Variants in SLC9A2 observed in about 807,000 individuals in gnomAD.
The protein encoded by SLC9A2 is sodium/hydrogen exchanger 2.
SLC9A2 carries 42 observed loss-of-function variants against 71.7 expected under a neutral mutation model. The ratio of observed to expected loss-of-function variants is 0.59; its 90% CI spans 0.46 to 0.76. The LOEUF (loss-of-function observed/expected upper bound fraction) is 0.76. Among genes scored for constraint, SLC9A2 ranks in the 30% least tolerant of loss-of-function variants. The probability of loss-of-function intolerance (pLI) is 0.00; values close to 1 mark genes in which losing one functional copy is unlikely to be tolerated. For synonymous variants in SLC9A2, 396 were observed against 392.5 expected, an observed-to-expected ratio of 1.01 and a Z score of -0.10; for missense variants, 829 against 1,017.4, an observed-to-expected ratio of 0.81 and a Z score of 2.52.
chr2:102,701,209 G>C lies in SLC9A2; in HGVS notation c.1726G>C (p.Val576Leu). 16 of 1,603,950 alleles carry C rather than the reference G, an allele frequency of 1.0e-5. No homozygotes were observed. The highest frequency in any genetic ancestry group is 1.4e-5 in the Non-Finnish European group (16 of 1,177,266). The change falls in exon 8 of 12, where the codon GTC (valine) becomes CTC (leucine). Residue 576 changes from valine to leucine, a missense_variant. Around this residue, in one of 3 missense-constraint regions of SLC9A2, gnomAD observed 500 missense variants for 726.3 expected, o/e 0.69. Coordinates refer to ENST00000233969, the MANE Select transcript of SLC9A2 (RefSeq NM_003048.6). ...EMAETGMIST[V>L]PTFASLNDCR... is the part of the protein sequence containing the mutation. ...GGCAGAGACTGGGATGATAAGTACT[G>C]TCCCTACATTTGCATCTCTAAAGTA...
At chr2:102,636,669 C>A (rs7567133) in intron 1 of SLC9A2, among the ~76,000 whole-genome samples, 17,145 of 152,120 alleles carry the variant, frequency 0.11, 1,304 homozygotes, top group Non-Finnish European at 0.16. Context: ...GTTGAGAGAA[C>A]GATAAATCCT....
intron 6 of SLC9A2, 117 bp from the exon 7 acceptor site, chr2:102,694,926 A>G: frequency 7.4e-6 from 6 of 809,166 alleles, no homozygotes; most frequent in Admixed American, 2.4e-5. Flanking sequence ...AATAAATAAT[A>G]AACAAATAAG....
intron 7 of SLC9A2, 43 bp from the exon 8 acceptor site, chr2:102,701,027 A>G (rs763115443): frequency 2.9e-5 from 40 of 1,357,102 alleles, no homozygotes; most frequent in Non-Finnish European, 4.1e-6. Flanking sequence ...CTATTTTCTT[A>G]GTCAATCCAG....
At chr2:102,655,235 C>T (rs1676914862) in intron 1 of SLC9A2, among the ~76,000 whole-genome samples, 1 of 129,574 alleles carries the variant, frequency 7.7e-6, no homozygotes. Context: ...TTGAGTTCAA[C>T]TTCCATCTCC....
intron 1 of SLC9A2, 126 bp from the exon 2 acceptor site, chr2:102,657,438 A>G (rs1415684697): frequency 1.6e-6 from 1 of 637,432 alleles, no homozygotes; most frequent in African/African-American, 1.8e-5. Context: ...AGCCATTGTA[A>G]AGACAGTGAT....
In SLC9A2 at chr2:102,632,071, T is replaced by TATATGTATATATAC. The variant is rs70946697; in HGVS notation, c.289+11938_289+11939insGTATATATACATAT. 2.4e-3 allele frequency among the ~76,000 whole-genome samples: 290 copies of TATATGTATATATAC among 118,504 alleles called. 12 individuals carry two copies. Among genetic ancestry groups the TATATGTATATATAC allele is most frequent in the African/African-American group, 4.7e-3 (155 of 32,746 alleles). 77.7% of individuals were successfully genotyped at this position (118,504 alleles called of 152,430 possible). A position where few individuals can be genotyped will look rare whatever the true frequency, so the allele number is the denominator to read the frequency against. ...ACACACATATATATACACACACATA[T>TATATGTATATATAC]ATATACACACATATATATACACATA... is the stretch of plus-strand genomic sequence containing the variant. On this transcript the variant is annotated intron_variant, in intron 1 of 11. Coordinates refer to ENST00000233969, the MANE Select transcript of SLC9A2 (RefSeq NM_003048.6).
Position 102,657,756 on chromosome 2 carries a change from C to T in SLC9A2, c.482C>T (p.Pro161Leu), listed in dbSNP as rs1487202486. The T allele has an allele frequency of 1.2e-6, 2 of 1,614,122 alleles. No homozygotes were observed. Among genetic ancestry groups the T allele is most frequent in the African/African-American group, 2.7e-5 (2 of 74,938 alleles). Residue 161 changes from proline to leucine, a missense_variant, in exon 2 of 12, where the codon CCA becomes CTA. Pro to Leu is a moderately conservative substitution (Grantham distance 98, BLOSUM62 -3). This residue lies in a region of SLC9A2 where 500 missense variants were observed against 726.3 expected (regional missense o/e 0.69). Transcript: ENST00000233969. ...GCCGGCTATTTCATGCCCACTCGCC[C>T]ATTCTTTGAGAACATTGGCACGATT... ...LDAGYFMPTR[P>L]FFENIGTIFW...
chr2:102,631,481 CT>C (rs1676355696), intron 1 of SLC9A2, among the ~76,000 whole-genome samples: 1 of 152,010 alleles, frequency 6.6e-6, no homozygotes, highest in East Asian at 1.9e-4. Context: ...TTCACTGTGA[CT>C]TCAAATCCTA....
intron 3 of SLC9A2, among the ~76,000 whole-genome samples, chr2:102,667,084 C>T (rs1342420273): frequency 1.3e-5 from 2 of 152,214 alleles, no homozygotes; most frequent in Non-Finnish European, 2.9e-5. Context: ...GGGGTCATGA[C>T]AGCCCTGAGT....
At chr2:102,667,853 C>T (rs1330825936) in intron 3 of SLC9A2, among the ~76,000 whole-genome samples, 3 of 151,772 alleles carry the variant, frequency 2.0e-5, no homozygotes, top group Non-Finnish European at 4.4e-5. Flanking sequence ...GTGGATCAAT[C>T]GAGGTCAGGA....
At chr2:102,654,400 C>T (rs941482794) in intron 1 of SLC9A2, among the ~76,000 whole-genome samples, 25 of 152,048 alleles carry the variant, frequency 1.6e-4, no homozygotes, top group African/African-American at 6.0e-4. Context: ...CCATTGAATA[C>T]ATTTAGTCCC....
At chr2:102,659,193 T>C (rs1327226939) in intron 2 of SLC9A2, among the ~76,000 whole-genome samples, 3 of 151,198 alleles carry the variant, frequency 2.0e-5, no homozygotes, top group African/African-American at 7.3e-5. Flanking sequence ...TTTGGGAGGC[T>C]GAGGCAGGTG....
chr2:102,679,760 T>C (rs1259752309), intron 3 of SLC9A2, among the ~76,000 whole-genome samples: 1 of 152,250 alleles, frequency 6.6e-6, no homozygotes, highest in Admixed American at 6.5e-5. Flanking sequence ...TTTGCCTGTA[T>C]GGTTTACTTT....
Position 102,708,153 on chromosome 2 carries a change from G to A in SLC9A2, c.2103G>A (p.Gly701=). ...GNSSDSDADA[G]TTVLNLQPRA... ...GCAGCGACTCAGACGCAGATGCCGGGACCACCGTGCTCAATTTGCAGCCCA... is the reference window on the plus strand; with the variant it reads ...GCAGCGACTCAGACGCAGATGCCGGAACCACCGTGCTCAATTTGCAGCCCA... The change falls in exon 12 of 12, where the codon GGG becomes GGA. Residue 701 remains glycine, a synonymous_variant. Coordinates refer to ENST00000233969, the MANE Select transcript of SLC9A2 (RefSeq NM_003048.6). 2 of 1,613,890 alleles carry A rather than the reference G, an allele frequency of 1.2e-6. No homozygotes were observed. Among genetic ancestry groups the A allele is most frequent in the Non-Finnish European group, 1.7e-6 (2 of 1,179,950 alleles).
At position 102,708,120 on chromosome 2, in the gene SLC9A2, T is replaced by G; in HGVS notation, c.2070T>G (p.Asp690Glu). 2 of 1,609,262 alleles carry G rather than the reference T, an allele frequency of 1.2e-6. No individual in the cohort carries two copies. Among genetic ancestry groups the G allele is most frequent in the Non-Finnish European group, 1.7e-6 (2 of 1,177,788 alleles). The change falls in exon 12 of 12, where the codon GAT (aspartate) becomes GAG (glutamate). Residue 690 changes from aspartate (D) to glutamate (E), a missense_variant and splice_region_variant. Asp to Glu is a conservative substitution (Grantham distance 45). Transcript: ENST00000233969. ...LQKRRTISIA[D>E]GNSSDSDADA... Reference sequence around the variant, plus strand: ...ACCTTGTCTTTTGCTCCGTGATAGATGGCAATAGCAGCGACTCAGACGCAG... The same window carrying G: ...ACCTTGTCTTTTGCTCCGTGATAGAGGGCAATAGCAGCGACTCAGACGCAG...
chr2:102,672,529 G>T (rs1235535580), intron 3 of SLC9A2, among the ~76,000 whole-genome samples: 1 of 152,166 alleles, frequency 6.6e-6, no homozygotes, highest in Non-Finnish European at 1.5e-5. Context: ...TCTTTATAAA[G>T]ACCATTTCTT....
intron 1 of SLC9A2, among the ~76,000 whole-genome samples, chr2:102,637,052 T>A (rs868377208): frequency 6.6e-6 from 1 of 152,178 alleles, no homozygotes; most frequent in South Asian, 2.1e-4. Flanking sequence ...CTTAGAGCCT[T>A]GAGGAGATGA....
chr2:102,694,222 C>G (rs1007976491), intron 5 of SLC9A2, among the ~76,000 whole-genome samples, 192 bp from the exon 6 acceptor site: 3 of 152,020 alleles, frequency 2.0e-5, no homozygotes, highest in Non-Finnish European at 4.4e-5. Context: ...GAAAAATTAA[C>G]AAAAAGTTAC....
chr2:102,627,438 G>A (rs1226398657), intron 1 of SLC9A2, among the ~76,000 whole-genome samples: 1 of 152,072 alleles, frequency 6.6e-6, no homozygotes, highest in African/African-American at 2.4e-5. Context: ...TGGCTTTAAT[G>A]TTTATAGTTT....
Sources: gnomAD v4.1 joint callset for allele counts (sites outside exome capture counted in the v4.1 genomes callset) on GRCh38, gnomAD v4.1.1 for gene constraint, gnomAD v4.1.1 regional missense constraint, MANE v1.5 for transcripts, NCBI Gene and HGNC (gene_info 2026-07-23, HGNC 2026-07-21) for gene names.